The following RAP1GAP2 variants were observed in gnomAD, a reference collection of about 807,000 sequenced individuals.
RAP1GAP2 encodes the protein rap1 GTPase-activating protein 2.
In RAP1GAP2, 27 loss-of-function variants were observed where a neutral mutation model predicts 95.0. The ratio of observed to expected loss-of-function variants is 0.28; its 90% CI spans 0.21 to 0.39. The LOEUF (loss-of-function observed/expected upper bound fraction) is 0.39, where lower values mean the gene tolerates loss of function less well. Ranked by LOEUF, RAP1GAP2 falls within the 10% of genes least tolerant of loss-of-function variation. RAP1GAP2 has a pLI of 1.00. For missense variants in RAP1GAP2, 771 were observed against 970.0 expected (o/e 0.79, Z 2.72); for synonymous variants, 373 against 380.9 (o/e 0.98, Z 0.24).
At chr17:2,828,550 C>T (rs184508204) in intron 2 of RAP1GAP2, among the ~76,000 whole-genome samples, 29 of 152,122 alleles carry the variant, frequency 1.9e-4, no homozygotes, top group African/African-American at 6.7e-4. Context: ...GAAGGAGGCC[C>T]CTGAAGAGCC....
intron 3 of RAP1GAP2, among the ~76,000 whole-genome samples, chr17:2,951,135 G>T (rs1046576736): frequency 6.6e-6 from 1 of 152,192 alleles, no homozygotes; most frequent in African/African-American, 2.4e-5. Flanking sequence ...TCAGGCCCAG[G>T]CCCCAGCTTT....
At chr17:2,953,241 C>G (rs560599556) in intron 3 of RAP1GAP2, among the ~76,000 whole-genome samples, 9 of 151,718 alleles carry the variant, frequency 5.9e-5, no homozygotes, top group Non-Finnish European at 1.0e-4. Context: ...CTGTGTCACC[C>G]AGGGTAGGGT....
chr17:3,018,000 A>G (rs2046832006), intron 17 of RAP1GAP2, 61 bp from the exon 18 acceptor site: 5 of 1,512,496 alleles, frequency 3.3e-6, no homozygotes, highest in Non-Finnish European at 3.5e-6. Context: ...CCCCACGAGG[A>G]GGGCAGAGTC....
rs116864522 is a variant in RAP1GAP2 at position 2,894,607 on chromosome 17, G to T, written c.81-10677G>T. On this transcript the variant is annotated intron_variant, in intron 2 of 24. Coordinates refer to ENST00000254695, the MANE Select transcript of RAP1GAP2 (RefSeq NM_015085.5). The stretch of plus-strand genomic sequence containing the variant: ...CCCAGGGGCCCCTGGCTTGCCGTGC[G>T]TCCAGAAAGAGAGCCTTATCATCTG... 8.6e-3 allele frequency among the ~76,000 whole-genome samples: 1,309 copies of T among 152,136 alleles called. 16 individuals are homozygous for T. Among genetic ancestry groups the T allele is most frequent in the Non-Finnish European group, 0.014 (939 of 68,000 alleles).
chr17:2,986,842 G>A (rs931710813), intron 11 of RAP1GAP2, among the ~76,000 whole-genome samples: 3 of 152,192 alleles, frequency 2.0e-5, no homozygotes, highest in South Asian at 4.1e-4. Context: ...AGCACACGCT[G>A]CATTGTTTTT....
intron 2 of RAP1GAP2, among the ~76,000 whole-genome samples, chr17:2,856,665 G>A (rs917859009): frequency 6.6e-6 from 1 of 152,188 alleles, no homozygotes; most frequent in African/African-American, 2.4e-5. Context: ...GAGGCCCAGG[G>A]AAGGACCCGG....
chr17:2,798,665 G>A (rs2069161491), intron 1 of RAP1GAP2, among the ~76,000 whole-genome samples: 1 of 151,948 alleles, frequency 6.6e-6, no homozygotes, highest in Non-Finnish European at 1.5e-5. Context: ...GGATGGGATG[G>A]GAGAGGGAGG....
intron 2 of RAP1GAP2, among the ~76,000 whole-genome samples, chr17:2,898,804 T>C (rs146004311): frequency 6.6e-6 from 1 of 152,332 alleles, no homozygotes; most frequent in African/African-American, 2.4e-5. Flanking sequence ...TGCTGAGTGC[T>C]TTCTGGGCCT....
Position 2,904,952 on chromosome 17 carries a change from GCTCACTGCAAC to G in RAP1GAP2, c.81-328_81-318del, listed in dbSNP as rs574530986. On this transcript the variant is annotated intron_variant, in intron 2 of 24. Coordinates refer to ENST00000254695, the MANE Select transcript of RAP1GAP2 (RefSeq NM_015085.5). This position sits in a 1 kb window ranked among gnomAD's most constrained non-coding sequence, Gnocchi z 4.7. ...GCTGGAGTGCAGTGGCGCCATCTTGGCTCACTGCAACCTCCACCTCCCAGGTTCAAGTGATT... is the reference window on the plus strand; with the variant it reads ...GCTGGAGTGCAGTGGCGCCATCTTGGCTCCACCTCCCAGGTTCAAGTGATT... Among the ~76,000 whole-genome samples the G allele has an allele frequency of 6.6e-6, 1 of 152,182 alleles. No individual in the cohort carries two copies. Among genetic ancestry groups the G allele is most frequent in the Non-Finnish European group, 1.5e-5 (1 of 68,026 alleles).
At chr17:2,772,824 G>A (rs142491399), upstream of RAP1GAP2, among the ~76,000 whole-genome samples, 830 of 151,294 alleles carry the variant, frequency 5.5e-3, 3 homozygotes, top group Non-Finnish European at 7.8e-3. Flanking sequence ...GGGGGAAAAG[G>A]GGCGTAATTT....
At chr17:3,013,066 C>G (rs1050010325) in intron 17 of RAP1GAP2, among the ~76,000 whole-genome samples, 14 of 152,170 alleles carry the variant, frequency 9.2e-5, no homozygotes, top group Non-Finnish European at 1.8e-4. Context: ...TGTGATGGAC[C>G]CGGGACCGTG....
At chr17:2,998,407 T>C (rs1339751414) in intron 14 of RAP1GAP2, 31 bp downstream of exon 14, 2 of 1,610,292 alleles carry the variant, frequency 1.2e-6, no homozygotes, top group Non-Finnish European at 1.7e-6. Flanking sequence ...GAGGGAGTGG[T>C]GGGCCTCGAC....
At chr17:2,977,445 A>T (rs2045171719) in intron 8 of RAP1GAP2, among the ~76,000 whole-genome samples, 1 of 152,072 alleles carries the variant, frequency 6.6e-6, no homozygotes. Flanking sequence ...TTATTATACA[A>T]ACTATTTCAA....
chr17:3,026,039 G>A lies in RAP1GAP2; in HGVS notation c.1783G>A (p.Asp595Asn). The part of the protein sequence containing the change: ...DSTSSTPKTP[D>N]GGHSSQEIKS... ...CACATCCAGCACACCCAAGACCCCA[G>A]ATGGTGGACACTCCTCTCAGGAGAT... The change falls in exon 20 of 25, where the codon GAT (aspartate) becomes AAT (asparagine). Residue 595 changes from aspartate (D) to asparagine (N), a missense_variant. By Grantham distance (23) the Asp-to-Asn change is conservative. Transcript: ENST00000254695. The A allele has an allele frequency of 6.2e-7, 1 of 1,613,802 alleles. No individual in the cohort carries two copies. Among genetic ancestry groups the A allele is most frequent in the Non-Finnish European group, 8.5e-7 (1 of 1,179,742 alleles).
chr17:2,771,426 C>G lies in RAP1GAP2; in HGVS notation c.167+981C>G, dbSNP rs143901851. Among the ~76,000 whole-genome samples the G allele has an allele frequency of 3.4e-3, 514 of 152,208 alleles. 2 individuals are homozygous for G. Among genetic ancestry groups the G allele is most frequent in the African/African-American group, 0.012 (497 of 41,530 alleles). On this transcript the variant is annotated intron_variant, in intron 2 of 25. Transcript: ENST00000637138. ...TCTGCAGCCACAGCGCTTCCCAAGG[C>G]CTCTGCCACACCCGACCCGGGGACT...
chr17:3,023,168 T>G (rs1049735399), intron 19 of RAP1GAP2, among the ~76,000 whole-genome samples: 1 of 152,244 alleles, frequency 6.6e-6, no homozygotes, highest in African/African-American at 2.4e-5. Flanking sequence ...TTCTGTTTGA[T>G]AATATTTTGT....
chr17:2,987,486 C>G (rs995538881), intron 11 of RAP1GAP2, among the ~76,000 whole-genome samples: 3 of 152,036 alleles, frequency 2.0e-5, no homozygotes, highest in African/African-American at 7.3e-5. Flanking sequence ...TCAGCTCCCT[C>G]GAGCAGCTGG....
intron 1 of RAP1GAP2, among the ~76,000 whole-genome samples, chr17:2,761,808 C>G (rs1443081187): frequency 6.6e-6 from 1 of 151,864 alleles, no homozygotes; most frequent in African/African-American, 2.4e-5. Context: ...CAGCTGTGTA[C>G]GAAGGTTCCG....
intron 17 of RAP1GAP2, among the ~76,000 whole-genome samples, chr17:3,011,608 A>AG (rs2046546988): frequency 1.6e-5 from 2 of 127,414 alleles, no homozygotes; most frequent in Admixed American, 1.7e-4. Flanking sequence ...TTCCTGTCAA[A>AG]GTTTTTTTTT....
Sources: allele counts gnomAD v4.1 joint callset (sites outside exome capture counted in the v4.1 genomes callset), GRCh38; gene constraint gnomAD v4.1.1; non-coding constraint Gnocchi (gnomAD v3.1); transcripts MANE v1.5; gene names NCBI Gene and HGNC (gene_info 2026-07-23, HGNC 2026-07-21).